The following SNTA1 variants were observed in gnomAD, a reference collection of about 807,000 sequenced individuals.
SNTA1 encodes alpha-1-syntrophin.
In SNTA1, 31 loss-of-function variants were observed where a neutral mutation model predicts 47.1. The observed-to-expected ratio is 0.66, with a 90% confidence interval of 0.49 to 0.89. The LOEUF (loss-of-function observed/expected upper bound fraction) is 0.89, where lower values mean the gene tolerates loss of function less well. SNTA1 is among the 40% of genes least tolerant of loss of function. The pLI is 0.00. For missense variants in SNTA1, 575 were observed against 693.0 expected (o/e 0.83, Z 1.91); for synonymous variants, 300 against 313.6 (o/e 0.96, Z 0.46).
chr20:33,409,585 T>G (rs1265979998), intron 6 of SNTA1, among the ~76,000 whole-genome samples: 1 of 151,926 alleles, frequency 6.6e-6, no homozygotes. Flanking sequence ...CTCAGCTTCC[T>G]GCGTAGCTGG....
chr20:33,439,791 C>G (rs994084143), intron 1 of SNTA1, among the ~76,000 whole-genome samples: 1 of 152,174 alleles, frequency 6.6e-6, no homozygotes, highest in Non-Finnish European at 1.5e-5. Flanking sequence ...TTGAGACCAG[C>G]CTGGCCAACA....
chr20:33,421,444 C>T (rs1990019385), intron 2 of SNTA1, among the ~76,000 whole-genome samples: 1 of 151,156 alleles, frequency 6.6e-6, no homozygotes, highest in African/African-American at 2.4e-5. Context: ...AACCCTGTCT[C>T]TACTAAAAAT....
At position 33,412,798 on chromosome 20, in the gene SNTA1, G is replaced by A. The variant is rs1474994197; in HGVS notation, c.702-16C>T. The A allele has an allele frequency of 8.9e-6, 14 of 1,577,926 alleles. No homozygotes were observed. The highest frequency in any genetic ancestry group is 1.2e-5 in the Non-Finnish European group (14 of 1,157,396). On this transcript the variant is annotated splice_polypyrimidine_tract_variant and intron_variant, in intron 3 of 7. Transcript: ENST00000217381. ...CTCCAGATACCTGCAGGCACAAATG[G>A]GTGGAGACAAGGACCTGACCATTAG...
At chr20:33,434,512 G>A (rs1990386332) in intron 2 of SNTA1, among the ~76,000 whole-genome samples, 1 of 152,146 alleles carries the variant, frequency 6.6e-6, no homozygotes, top group South Asian at 2.1e-4. Context: ...CTCGTCCTGT[G>A]AAACATCTCA....
At chr20:33,440,814 T>TCA (rs112805787) in intron 1 of SNTA1, among the ~76,000 whole-genome samples, 2,483 of 152,102 alleles carry the variant, frequency 0.016, 64 homozygotes, top group African/African-American at 0.056. Context: ...CAAGACTGTC[T>TCA]CACACACACA....
chr20:33,431,167 G>T (rs1430560848), intron 2 of SNTA1, among the ~76,000 whole-genome samples: 2 of 151,648 alleles, frequency 1.3e-5, no homozygotes, highest in African/African-American at 4.8e-5. Flanking sequence ...AGGCTGTGGT[G>T]GGAGGATCAC....
At chr20:33,424,569 G>C (rs1478080491) in intron 2 of SNTA1, among the ~76,000 whole-genome samples, 2 of 151,780 alleles carry the variant, frequency 1.3e-5, no homozygotes, top group African/African-American at 4.8e-5. Context: ...GCTGGAGTGC[G>C]GTGGTATGAT....
chr20:33,430,117 G>A (rs372158648), intron 2 of SNTA1, among the ~76,000 whole-genome samples: 1 of 152,056 alleles, frequency 6.6e-6, no homozygotes, highest in Non-Finnish European at 1.5e-5. Context: ...CAACTCGGAA[G>A]CCTAGATTCA....
chr20:33,426,586 A>C (rs8124212), intron 2 of SNTA1, among the ~76,000 whole-genome samples: 1,674 of 151,464 alleles, frequency 0.011, 33 homozygotes, highest in African/African-American at 0.039. Context: ...ACATGATGAA[A>C]CCTCGTCTCT....
rs763466091 is a variant in SNTA1 at position 33,412,298 on chromosome 20, G to A, written c.1038C>T (p.Thr346=). ...RPARTAPLIA[T]RLVHSGPSKG... ...ATACTGCCCCTGCCTGTGGGTACCT[G>A]GTGGCGATGAGTGGGGCAGTACGGG... Residue 346 remains threonine, a splice_region_variant and synonymous_variant, in exon 5 of 8, where the codon ACC becomes ACT. Transcript: ENST00000217381. The A allele has an allele frequency of 6.2e-7, 1 of 1,611,164 alleles. No individual in the cohort carries two copies. Among genetic ancestry groups the A allele is most frequent in the South Asian group, 1.1e-5 (1 of 90,490 alleles).
chr20:33,429,989 T>A (rs1374994008), intron 2 of SNTA1, among the ~76,000 whole-genome samples: 1 of 152,130 alleles, frequency 6.6e-6, no homozygotes, highest in African/African-American at 2.4e-5. Context: ...CTAAGCTGGA[T>A]ATTTTTGAAT....
Position 33,443,666 on chromosome 20 carries a change from T to A in SNTA1, c.-46A>T. On this transcript the variant is annotated 5_prime_UTR_variant, in exon 1 of 8. Coordinates refer to ENST00000217381, the MANE Select transcript of SNTA1 (RefSeq NM_003098.3). The stretch of plus-strand genomic sequence containing the variant: ...GCCGCCGCGCTCGCCCTGTCCCGCT[T>A]TGCCCAGCCCGCTCCGACCAAGCGC... 1 of 1,135,496 alleles carries A rather than the reference T, an allele frequency of 8.8e-7. No individual in the cohort carries two copies. The highest frequency in any genetic ancestry group is 1.1e-6 in the Non-Finnish European group (1 of 921,592). The allele number at this position is 1,135,496 out of a possible 1,614,324, so 70.3% of individuals were successfully genotyped here.
intron 2 of SNTA1, among the ~76,000 whole-genome samples, chr20:33,433,265 T>C (rs1990355739): frequency 6.7e-6 from 1 of 149,784 alleles, no homozygotes; most frequent in Non-Finnish European, 1.5e-5. Flanking sequence ...GGGTTTTTCT[T>C]TTTTCTTTTT....
At chr20:33,443,247 GC>G in intron 1 of SNTA1, 63 bp downstream of exon 1, 5 of 1,309,414 alleles carry the variant, frequency 3.8e-6, no homozygotes, top group Admixed American at 2.5e-5. Flanking sequence ...CGCGCTGCCA[GC>G]CCCCTGCGCC....
intron 2 of SNTA1, among the ~76,000 whole-genome samples, chr20:33,428,639 A>T (rs1990221144): frequency 6.6e-6 from 1 of 151,918 alleles, no homozygotes; most frequent in Non-Finnish European, 1.5e-5. Context: ...CAGTGGCATA[A>T]TCATAGTTTG....
intron 2 of SNTA1, among the ~76,000 whole-genome samples, chr20:33,427,972 T>C (rs1262549581): frequency 6.6e-6 from 1 of 152,022 alleles, no homozygotes; most frequent in Admixed American, 6.6e-5. Context: ...TGGAGTGCAG[T>C]GGCTGTTCAC....
intron 3 of SNTA1, among the ~76,000 whole-genome samples, chr20:33,415,627 C>CA (rs113151357): frequency 0.011 from 1,513 of 133,564 alleles, 11 homozygotes; most frequent in African/African-American, 0.016. Flanking sequence ...TGCTAAAATA[C>CA]AAAAAAAAAA....
intron 2 of SNTA1, among the ~76,000 whole-genome samples, chr20:33,420,855 G>A (rs1990000702): frequency 6.6e-6 from 1 of 151,802 alleles, no homozygotes; most frequent in Non-Finnish European, 1.5e-5. Flanking sequence ...GTGGTCGTGG[G>A]CACCTGTAAT....
At chr20:33,438,750 T>A in intron 2 of SNTA1, 91 bp downstream of exon 2, 1 of 1,107,586 alleles carries the variant, frequency 9.0e-7, no homozygotes, top group South Asian at 1.2e-5. Context: ...CCCCCAGTGC[T>A]GGGATGGGGC....
Sources: gnomAD v4.1 joint callset for allele counts (sites outside exome capture counted in the v4.1 genomes callset) on GRCh38, gnomAD v4.1.1 for gene constraint, MANE v1.5 for transcripts, NCBI Gene and HGNC (gene_info 2026-07-23, HGNC 2026-07-21) for gene names.